CPN1: variants seen among roughly 807,000 people sequenced by gnomAD.
CPN1 encodes carboxypeptidase N catalytic chain.
Under a neutral mutation model 46.4 loss-of-function variants are expected in CPN1, and 37 were observed. The observed-to-expected ratio is 0.80, with a 90% CI of 0.61 to 1.05. The LOEUF (loss-of-function observed/expected upper bound fraction) is 1.05. CPN1 is among the 50% of genes least tolerant of loss of function. CPN1 has a pLI of 0.00. For missense variants in CPN1, 563 were observed against 602.6 expected (o/e 0.93, Z 0.69); for synonymous variants, 224 against 235.4 (o/e 0.95, Z 0.44).
chr10:100,064,647 C>G (rs2041442169), intron 4 of CPN1, among the ~76,000 whole-genome samples: 1 of 151,922 alleles, frequency 6.6e-6, no homozygotes, highest in Non-Finnish European at 1.5e-5. Context: ...TCCCAAAGTG[C>G]TGGGATTACA....
At chr10:100,043,007 T>G (rs1163943531) in intron 8 of CPN1, among the ~76,000 whole-genome samples, 1 of 151,216 alleles carries the variant, frequency 6.6e-6, no homozygotes, top group African/African-American at 2.4e-5. Flanking sequence ...GGCGGTAGAA[T>G]TGCTTGAACC....
intron 3 of CPN1, among the ~76,000 whole-genome samples, chr10:100,067,825 G>A (rs533549587): frequency 2.6e-5 from 4 of 152,188 alleles, no homozygotes; most frequent in African/African-American, 9.6e-5. Context: ...ATCAGGGAGG[G>A]TATAGTAATG....
chr10:100,067,645 G>A (rs755504182), intron 3 of CPN1, among the ~76,000 whole-genome samples: 22 of 152,270 alleles, frequency 1.4e-4, no homozygotes, highest in African/African-American at 2.4e-4. Context: ...CCCACACAGC[G>A]TGATCACCAG....
chr10:100,058,284 A>C (rs2041396703), intron 5 of CPN1, among the ~76,000 whole-genome samples: 1 of 152,182 alleles, frequency 6.6e-6, no homozygotes, highest in African/African-American at 2.4e-5. Context: ...TTTTTAAAAG[A>C]ATAGATTTTT....
intron 4 of CPN1, among the ~76,000 whole-genome samples, 177 bp from the exon 5 acceptor site, chr10:100,063,902 A>T (rs1004983035): frequency 3.9e-5 from 6 of 151,988 alleles, no homozygotes; most frequent in African/African-American, 1.2e-4. Context: ...GTGTGTGTGT[A>T]TGTGTGTATA....
intron 6 of CPN1, among the ~76,000 whole-genome samples, chr10:100,054,841 C>CTTTTTTTTTTTTTTTTTTTT (rs56250435): frequency 7.5e-6 from 1 of 132,760 alleles, no homozygotes; most frequent in Non-Finnish European, 1.6e-5. Context: ...TTCTTTCTTT[C>CTTTTTTTTTTTTTTTTTTTT]TTTTTTTTTT....
intron 6 of CPN1, among the ~76,000 whole-genome samples, chr10:100,055,321 A>G (rs1325921290): frequency 4.0e-5 from 6 of 151,430 alleles, no homozygotes; most frequent in Admixed American, 1.3e-4. Context: ...CTGAAACCCT[A>G]TATCTATTAA....
chr10:100,047,622 T>G (rs2041322773), intron 8 of CPN1, among the ~76,000 whole-genome samples: 1 of 152,240 alleles, frequency 6.6e-6, no homozygotes, highest in Admixed American at 6.5e-5. Context: ...CCCCGGTATC[T>G]TTGGGCCTTC....
At chr10:100,065,832 G>C (rs1276327104) in intron 3 of CPN1, among the ~76,000 whole-genome samples, 1 of 151,982 alleles carries the variant, frequency 6.6e-6, no homozygotes, top group Non-Finnish European at 1.5e-5. Flanking sequence ...TGGTGGGGTG[G>C]GTGGAGTGGG....
chr10:100,065,401 G>A, intron 3 of CPN1, 31 bp from the exon 4 acceptor site: 3 of 1,613,018 alleles, frequency 1.9e-6, no homozygotes, highest in South Asian at 2.2e-5. Flanking sequence ...GGCGGTGAAG[G>A]GCCAACTGGG....
intron 7 of CPN1, among the ~76,000 whole-genome samples, chr10:100,049,239 G>C (rs2041336034): frequency 6.7e-6 from 1 of 150,154 alleles, no homozygotes; most frequent in Non-Finnish European, 1.5e-5. Flanking sequence ...TTACAGGCGT[G>C]AGCCGCTGAG....
chr10:100,060,025 G>A (rs2041407812), intron 5 of CPN1, among the ~76,000 whole-genome samples: 1 of 152,120 alleles, frequency 6.6e-6, no homozygotes, highest in African/African-American at 2.4e-5. Context: ...ACTTATATGA[G>A]GTACTTAGAG....
At position 100,042,505 on chromosome 10, in the gene CPN1, G is replaced by A. The variant is rs61733667; in HGVS notation, c.1299C>T (p.His433=). The A allele has an allele frequency of 0.035, 55,864 of 1,613,770 alleles. 1,071 individuals are homozygous for A. Among genetic ancestry groups the A allele is most frequent in the Middle Eastern group, 0.06 (363 of 6,042 alleles). The change falls in exon 9 of 9, where the codon CAC becomes CAT. Residue 433 remains histidine, a synonymous_variant. Coordinates refer to ENST00000370418, the MANE Select transcript of CPN1 (RefSeq NM_001308.3). ...GGGGCTGCACTTTGGCTCTGACTCC[G>A]TGCCTTCTGCTGGGAGCTCTCCTCA... ...SPVRRAPSRR[H]GVRAKVQPQA... is the part of the protein sequence containing the mutation.
intron 5 of CPN1, among the ~76,000 whole-genome samples, chr10:100,060,399 T>TA (rs2041409833): frequency 6.6e-6 from 1 of 151,962 alleles, no homozygotes; most frequent in East Asian, 1.9e-4. Flanking sequence ...CCGTCCCTAC[T>TA]AAAAATACAA....
chr10:100,063,558 A>G (rs767218138), intron 5 of CPN1, 56 bp downstream of exon 5: 1 of 1,282,562 alleles, frequency 7.8e-7, no homozygotes, highest in Non-Finnish European at 1.1e-6. Context: ...GGAATTTAGA[A>G]GGAGAAATGA....
intron 1 of CPN1, among the ~76,000 whole-genome samples, chr10:100,079,696 G>C (rs1191599713): frequency 6.6e-6 from 1 of 152,192 alleles, no homozygotes; most frequent in East Asian, 1.9e-4. Context: ...TGAGTGTGAG[G>C]CTTTTAAAGT....
At chr10:100,077,433 G>A (rs774178848) in intron 1 of CPN1, among the ~76,000 whole-genome samples, 3 of 151,984 alleles carry the variant, frequency 2.0e-5, no homozygotes, top group Non-Finnish European at 4.4e-5. Context: ...GTTTCACCAT[G>A]TTGGCCAGGC....
intron 1 of CPN1, among the ~76,000 whole-genome samples, chr10:100,076,650 G>A (rs1280535761): frequency 1.3e-5 from 2 of 152,212 alleles, no homozygotes; most frequent in Non-Finnish European, 2.9e-5. Context: ...CACTTGAAAA[G>A]TTTCTTGCTC....
At chr10:100,068,971 C>G (rs1252804192) in intron 3 of CPN1, among the ~76,000 whole-genome samples, 3 of 152,202 alleles carry the variant, frequency 2.0e-5, no homozygotes, top group Non-Finnish European at 4.4e-5. Context: ...AGAAGGCCTG[C>G]ATCTTCATCC....
Sources: allele counts gnomAD v4.1 joint callset (sites outside exome capture counted in the v4.1 genomes callset), GRCh38; gene constraint gnomAD v4.1.1; transcripts MANE v1.5; gene names NCBI Gene and HGNC (gene_info 2026-07-23, HGNC 2026-07-21).